The following DMD variants were observed in gnomAD, a reference collection of about 807,000 sequenced individuals.
DMD encodes the protein dystrophin, also known as mutant dystrophin.
A neutral mutation model predicts 330.1 loss-of-function variants in DMD; 63 were observed. The observed-to-expected ratio is 0.19, with a 90% CI of 0.16 to 0.24. The LOEUF (loss-of-function observed/expected upper bound fraction) is 0.24. Ranked by LOEUF, DMD falls within the 10% of genes least tolerant of loss-of-function variation. The probability of loss-of-function intolerance (pLI) is 1.00; values close to 1 mark genes in which losing one functional copy is unlikely to be tolerated. For synonymous variants in DMD, 1,223 were observed against 959.8 expected (o/e 1.27, Z -5.07); for missense variants, 3,344 against 2,684.1 (o/e 1.25, Z -5.43).
At chrX:32,643,264 C>T (rs1228140032) in intron 11 of DMD, among the ~76,000 whole-genome samples, 1 of 110,929 alleles carries the variant, frequency 9.0e-6, no homozygotes, top group Non-Finnish European at 1.9e-5. Flanking sequence ...TGTTTTTCCC[C>T]TCCATAATTT....
chrX:32,537,130 A>T (rs2048066282), intron 17 of DMD, among the ~76,000 whole-genome samples: 1 of 111,901 alleles, frequency 8.9e-6, no homozygotes, highest in East Asian at 2.8e-4. Context: ...GCACAAGTTC[A>T]GGATGTACCA....
chrX:31,984,679 G>A (rs1193456478), intron 44 of DMD, among the ~76,000 whole-genome samples: 1 of 112,415 alleles, frequency 8.9e-6, no homozygotes, highest in Non-Finnish European at 1.9e-5. Context: ...CTGGAGAAGA[G>A]GGGAAGTTTA....
chrX:33,082,863 T>C (rs73188301), intron 1 of DMD, among the ~76,000 whole-genome samples: 91 of 112,402 alleles, frequency 8.1e-4, no homozygotes, highest in African/African-American at 2.6e-3. Flanking sequence ...AGCAGACTTA[T>C]GGGTGTCCTA....
intron 47 of DMD, among the ~76,000 whole-genome samples, chrX:31,893,678 A>G (rs7066251): frequency 0.23 from 24,898 of 109,535 alleles, 2,986 homozygotes; most frequent in African/African-American, 0.46. Flanking sequence ...AGGGTAATCA[A>G]GGGAAGGAAA....
At chrX:31,749,305 C>A (rs1433657327) in intron 51 of DMD, among the ~76,000 whole-genome samples, 81 of 78,596 alleles carry the variant, frequency 1.0e-3, no homozygotes, top group African/African-American at 3.8e-3. Context: ...CCCCCCACCC[C>A]ACAACAGTCC....
intron 68 of DMD, 97 bp downstream of exon 68, chrX:31,182,641 G>A: frequency 3.5e-6 from 3 of 866,733 alleles, no homozygotes; most frequent in South Asian, 2.1e-5. Context: ...GAGACGGTAC[G>A]AACTAACAGC....
intron 60 of DMD, among the ~76,000 whole-genome samples, chrX:31,380,579 T>C (rs941188117): frequency 2.7e-5 from 3 of 111,212 alleles, no homozygotes; most frequent in Non-Finnish European, 5.7e-5. Context: ...AAACTCCCCT[T>C]ACAATTCCCC....
intron 2 of DMD, among the ~76,000 whole-genome samples, chrX:32,955,878 G>A (rs1156899075): frequency 9.0e-6 from 1 of 111,665 alleles, no homozygotes; most frequent in African/African-American, 3.3e-5. Context: ...TTGGTTCTCT[G>A]TTTTGTTCCA....
At chrX:31,616,722 A>C (rs990029321) in intron 55 of DMD, among the ~76,000 whole-genome samples, 6 of 111,992 alleles carry the variant, frequency 5.4e-5, no homozygotes, top group Non-Finnish European at 9.4e-5. Flanking sequence ...TTTAAATGGA[A>C]ATCTGCAAGT....
intron 60 of DMD, among the ~76,000 whole-genome samples, chrX:31,420,909 T>C (rs181796812): frequency 7.7e-4 from 86 of 112,380 alleles, no homozygotes; most frequent in African/African-American, 2.6e-3. Flanking sequence ...GCTGCAGGCA[T>C]TGACTGACTT....
chrX:33,006,539 C>T lies in DMD; in HGVS notation c.93+13600G>A, dbSNP rs753483606. Among the ~76,000 whole-genome samples the T allele has an allele frequency of 8.1e-5, 9 of 111,095 alleles. No homozygotes were observed. In the East Asian group the frequency reaches 8.6e-4, roughly 11 times the overall value. ...GCTGAAACAACTGGACATCTACATG[C>T]AAAAAAATGAATGTAGACATAGACC... On this transcript the variant is annotated intron_variant, in intron 2 of 78. Transcript: ENST00000357033.
chrX:32,437,446 ATACTACCCT>A (rs759042942), intron 29 of DMD, among the ~76,000 whole-genome samples: 4 of 107,669 alleles, frequency 3.7e-5, no homozygotes, highest in Admixed American at 1.9e-4. Flanking sequence ...GGTTTCATGC[ATACTACCCT>A]AGTTACTACC....
At chrX:31,898,871 G>A (rs188896444) in intron 47 of DMD, among the ~76,000 whole-genome samples, 1,263 of 111,614 alleles carry the variant, frequency 0.011, 16 homozygotes, top group African/African-American at 0.038. Flanking sequence ...ATTTCTTCAG[G>A]AAAACACATC....
chrX:32,501,225 A>C (rs1307194582), intron 19 of DMD, among the ~76,000 whole-genome samples: 1 of 111,917 alleles, frequency 8.9e-6, no homozygotes, highest in Non-Finnish European at 1.9e-5. Flanking sequence ...TCACTCTAAA[A>C]AAGTTACTTA....
chrX:31,782,082 C>A (rs1303485501), intron 50 of DMD, among the ~76,000 whole-genome samples: 1 of 111,394 alleles, frequency 9.0e-6, no homozygotes, highest in East Asian at 2.8e-4. Context: ...CATAAGTAAA[C>A]CACAAACTTA....
intron 44 of DMD, among the ~76,000 whole-genome samples, chrX:32,005,030 G>C (rs1792281341): frequency 9.0e-6 from 1 of 111,487 alleles, no homozygotes; most frequent in South Asian, 3.7e-4. Flanking sequence ...TTAAAATCTA[G>C]GGCATCATCA....
intron 2 of DMD, among the ~76,000 whole-genome samples, chrX:32,959,100 T>C (rs1333323409): frequency 3.6e-5 from 4 of 112,340 alleles, no homozygotes; most frequent in African/African-American, 1.3e-4. Flanking sequence ...AGTTTGTAAG[T>C]ATATTAGGAA....
chrX:32,955,190 C>T (rs950189846), intron 2 of DMD, among the ~76,000 whole-genome samples: 1 of 111,734 alleles, frequency 8.9e-6, no homozygotes, highest in Non-Finnish European at 1.9e-5. Context: ...TCCCCACAAC[C>T]GTGCTAGCAT....
chrX:32,966,742 T>G (rs954808816), intron 2 of DMD, among the ~76,000 whole-genome samples: 1 of 111,688 alleles, frequency 9.0e-6, no homozygotes, highest in African/African-American at 3.3e-5. Flanking sequence ...CTGTCTAGAT[T>G]ATCATTAGCG....
Sources: allele counts gnomAD v4.1 joint callset (sites outside exome capture counted in the v4.1 genomes callset), GRCh38; gene constraint gnomAD v4.1.1; transcripts MANE v1.5; gene names NCBI Gene and HGNC (gene_info 2026-07-23, HGNC 2026-07-21).